The following COL5A1 variants were observed in gnomAD, a reference collection of about 807,000 sequenced individuals.
COL5A1 encodes the protein collagen type V alpha 1 chain, also known as collagen alpha-1(V) chain.
COL5A1 carries 16 observed loss-of-function variants against 263.7 expected under a neutral mutation model. The observed-to-expected ratio is 0.06, with a 90% CI of 0.04 to 0.09. The LOEUF (loss-of-function observed/expected upper bound fraction) is 0.09. Among genes scored for constraint, COL5A1 ranks in the 10% least tolerant of loss-of-function variants. The probability of loss-of-function intolerance (pLI) is 1.00; values close to 1 mark genes in which losing one functional copy is unlikely to be tolerated. For missense variants in COL5A1, 2,036 were observed against 2,540.5 expected (o/e 0.80, Z 4.27); for synonymous variants, 1,012 against 1,004.5 (o/e 1.01, Z -0.14).
intron 1 of COL5A1, among the ~76,000 whole-genome samples, chr9:134,664,407 A>G (rs1832297290): frequency 6.6e-6 from 1 of 151,834 alleles, no homozygotes; most frequent in Non-Finnish European, 1.5e-5. Flanking sequence ...GAAAAGCAAA[A>G]AAACAACTGG....
At chr9:134,772,942 C>T (rs548420995) in intron 26 of COL5A1, 108 bp downstream of exon 26, 53 of 1,169,062 alleles carry the variant, frequency 4.5e-5, no homozygotes, top group South Asian at 2.0e-4. Context: ...AGGAAGGAGC[C>T]GGGGACACTC....
In COL5A1 at chr9:134,761,942, C is replaced by T. The variant is rs78215347; in HGVS notation, c.1953C>T (p.Ser651=). 1.7e-4 allele frequency: 281 copies of T among 1,613,538 alleles called. 1 individual carries two copies. In the African/African-American group the frequency reaches 2.9e-3, roughly 17 times the overall value. Residue 651 remains serine (S), a synonymous_variant, in exon 19 of 66, where the codon TCC becomes TCT. Coordinates refer to ENST00000371817, the MANE Select transcript of COL5A1 (RefSeq NM_000093.5). The part of the protein sequence containing the change: ...EKGHRGDPGP[S]GPPGPPGDDG... ...CTTCCTAGGGTGACCCTGGTCCTTC[C>T]GGCCCACCAGGACCTCCGGGAGACG... is the stretch of plus-strand genomic sequence containing the variant.
At chr9:134,719,328 G>A (rs193097125) in intron 4 of COL5A1, among the ~76,000 whole-genome samples, 230 of 152,280 alleles carry the variant, frequency 1.5e-3, no homozygotes, top group African/African-American at 4.9e-3. Flanking sequence ...CACACACACC[G>A]CACATGTGAA....
intron 1 of COL5A1, 82 bp from the exon 2 acceptor site, chr9:134,690,830 T>C: frequency 6.5e-7 from 1 of 1,543,370 alleles, no homozygotes; most frequent in Non-Finnish European, 8.9e-7. Context: ...GTGGGGGTGC[T>C]TCCTGTCATC....
chr9:134,662,360 G>T (rs1832236087), intron 1 of COL5A1, among the ~76,000 whole-genome samples: 1 of 152,234 alleles, frequency 6.6e-6, no homozygotes, highest in Non-Finnish European at 1.5e-5. Context: ...TGACAACTCA[G>T]CTGGTTTCCA....
At position 134,820,481 on chromosome 9, in the gene COL5A1, C is replaced by G. The variant is rs4841935; in HGVS notation, c.4554+258C>G. Among the ~76,000 whole-genome samples the G allele has an allele frequency of 0.4, 61,394 of 152,080 alleles. 12,891 individuals carry two copies. The highest frequency in any genetic ancestry group is 0.53 in the African/African-American group (21,844 of 41,486). ...TTCCTCCTCATGACCGTGGTGTCCC[C>G]CAGAGCTGGAGGGACTCGGAAGTCA... is the stretch of plus-strand genomic sequence containing the variant. On this transcript the variant is annotated intron_variant, in intron 58 of 65. Coordinates refer to ENST00000371817, the MANE Select transcript of COL5A1 (RefSeq NM_000093.5).
At position 134,747,280 on chromosome 9, in the gene COL5A1, A is replaced by G. The variant is rs368009053; in HGVS notation, c.1495-3262A>G. On this transcript the variant is annotated intron_variant, in intron 11 of 65. Transcript: ENST00000371817. ...GGGAAGTTGCTTTCACAGCCTGGGG[A>G]TTGGATTTTCACCACCGTGGCTTAG... is the stretch of plus-strand genomic sequence containing the variant. Among the ~76,000 whole-genome samples the G allele has an allele frequency of 1.7e-3, 261 of 152,194 alleles. 1 individual carries two copies. The Middle Eastern group carries it at 0.027, about 16-fold the overall frequency.
chr9:134,662,019 G>T (rs939784840), intron 1 of COL5A1, among the ~76,000 whole-genome samples: 2 of 152,050 alleles, frequency 1.3e-5, no homozygotes, highest in African/African-American at 2.4e-5. Flanking sequence ...ACCTGACTCT[G>T]TGCCTGTCTG....
chr9:134,780,609 G>A (rs1394607092), intron 28 of COL5A1, among the ~76,000 whole-genome samples: 3 of 152,246 alleles, frequency 2.0e-5, no homozygotes, highest in African/African-American at 7.2e-5. Context: ...AGGCAGGGAG[G>A]GAGAGAGGCC....
chr9:134,772,973 C>A, intron 26 of COL5A1, 139 bp downstream of exon 26: 1 of 898,250 alleles, frequency 1.1e-6, no homozygotes, highest in East Asian at 2.6e-5. Context: ...CAGGTGTCTC[C>A]GCCAAGGGAC....
At position 134,820,151 on chromosome 9, in the gene COL5A1, G is replaced by C. The variant is rs2228560; in HGVS notation, c.4482G>C (p.Pro1494=). The part of the protein sequence containing the change: ...HPGLIGLIGP[P]GEQGEKGDRG... ...GCCTGATCGGGCTCATCGGTCCTCCGGGTGAACAGGGTGAGAAGGGCGACC... is the reference window on the plus strand; with the variant it reads ...GCCTGATCGGGCTCATCGGTCCTCCCGGTGAACAGGGTGAGAAGGGCGACC... Residue 1494 remains proline, a synonymous_variant, in exon 58 of 66, where the codon CCG becomes CCC. Coordinates refer to ENST00000371817, the MANE Select transcript of COL5A1 (RefSeq NM_000093.5). 590,830 of 1,613,406 alleles carry C rather than the reference G, an allele frequency of 0.37. 109,704 individuals are homozygous for C. The highest frequency in any genetic ancestry group is 0.5 in the African/African-American group (37,447 of 74,994).
Position 134,789,578 on chromosome 9 carries a change from GT to G in COL5A1, c.2700+376del, listed in dbSNP as rs1285107241. ...TTAAAAGGAAGGGAAAAAGGAGATTGTTTTTTCCCTTCAAAAATGTCCTGCT... is the reference window on the plus strand; with the variant it reads ...TTAAAAGGAAGGGAAAAAGGAGATTGTTTTTCCCTTCAAAAATGTCCTGCT... On this transcript the variant is annotated intron_variant, in intron 32 of 65. Transcript: ENST00000371817. This position sits in a 1 kb window ranked among gnomAD's most constrained non-coding sequence, Gnocchi z 4.8. Among the ~76,000 whole-genome samples the G allele has an allele frequency of 6.6e-6, 1 of 152,216 alleles. No individual in the cohort carries two copies. The highest frequency in any genetic ancestry group is 1.5e-5 in the Non-Finnish European group (1 of 68,036).
At position 134,823,421 on chromosome 9, in the gene COL5A1, A is replaced by T. The variant is rs778312075; in HGVS notation, c.4650A>T (p.Pro1550=). The T allele has an allele frequency of 8.7e-6, 14 of 1,614,098 alleles. No homozygotes were observed. The highest frequency in any genetic ancestry group is 1.1e-5 in the Non-Finnish European group (13 of 1,180,042). The change falls in exon 61 of 66, where the codon CCA becomes CCT. Residue 1550 remains proline, a synonymous_variant. Coordinates refer to ENST00000371817, the MANE Select transcript of COL5A1 (RefSeq NM_000093.5). ...GPKGAKGSSG[P]TGPKGEAGHP... Reference sequence around the variant, plus strand: ...ATTCTTTTCTTTCTCCCCAGGGTCCAACTGGCCCGAAGGGTGAGGCAGGCC... The same window carrying T: ...ATTCTTTTCTTTCTCCCCAGGGTCCTACTGGCCCGAAGGGTGAGGCAGGCC...
Position 134,642,291 on chromosome 9 carries a change from G to C in COL5A1, c.104G>C (p.Arg35Pro), listed in dbSNP as rs1170658868. ...CTGCTGTGGGCGCCGCCTCCGAGCC[G>C]CGCAGGTAAGGGCGCCCCGGGGCGC... ...LLLLWAPPPS[R>P]AAQPADLLKV... The change falls in exon 1 of 66, where the codon CGC becomes CCC. Residue 35 changes from arginine to proline, a missense_variant. Physicochemically the swap from Arg to Pro is moderately radical, Grantham distance 103. Around this residue, in one of 3 missense-constraint regions of COL5A1, gnomAD observed 600 missense variants for 634.5 expected, o/e 0.95. Coordinates refer to ENST00000371817, the MANE Select transcript of COL5A1 (RefSeq NM_000093.5). This position sits in a 1 kb window ranked among gnomAD's most constrained non-coding sequence, Gnocchi z 4.5. 9.1e-7 allele frequency: 1 copy of C among 1,094,778 alleles called. No individual in the cohort carries two copies. Among genetic ancestry groups the C allele is most frequent in the Non-Finnish European group, 1.1e-6 (1 of 876,534 alleles). The allele number at this position is 1,094,778 out of a possible 1,614,324, so 67.8% of individuals were successfully genotyped here.
rs1833614445 is a variant in COL5A1 at position 134,700,059 on chromosome 9, A to T, written c.428A>T (p.His143Leu). The change falls in exon 3 of 66, where the codon CAC becomes CTC. Residue 143 changes from histidine (H) to leucine (L), a missense_variant. Coordinates refer to ENST00000371817, the MANE Select transcript of COL5A1 (RefSeq NM_000093.5). This position sits in a 1 kb window ranked among gnomAD's most constrained non-coding sequence, Gnocchi z 4.0. ...TCTCCCGTCTTCCTCTACGAGGACC[A>T]CACGGGGAAGCCTGGCCCGGAAGAC... ...GRSPVFLYED[H>L]TGKPGPEDYP... is the part of the protein sequence containing the mutation. 1 of 1,613,018 alleles carries T rather than the reference A, an allele frequency of 6.2e-7. No homozygotes were observed. Among genetic ancestry groups the T allele is most frequent in the South Asian group, 1.1e-5 (1 of 91,090 alleles).
intron 65 of COL5A1, among the ~76,000 whole-genome samples, chr9:134,840,597 G>T (rs1439377619): frequency 2.0e-5 from 3 of 152,234 alleles, no homozygotes; most frequent in African/African-American, 7.2e-5. Flanking sequence ...GCTGGCTCTA[G>T]CTCAGGGTCT....
intron 18 of COL5A1, among the ~76,000 whole-genome samples, chr9:134,760,621 ACC>A (rs1298872577): frequency 1.2e-4 from 13 of 104,198 alleles, no homozygotes; most frequent in African/African-American, 4.2e-4. Flanking sequence ...ACACACACAC[ACC>A]CACACACCCC....
rs1331937559 is a variant in COL5A1, at chr9:134,678,993, A to G, written c.110-11919A>G. Reference sequence around the variant, plus strand: ...TGGCTCTGTGTTGGGGTCACGTGGTATCTGCCCTCTGTTATCCGAGATGCC... The same window carrying G: ...TGGCTCTGTGTTGGGGTCACGTGGTGTCTGCCCTCTGTTATCCGAGATGCC... On this transcript the variant is annotated intron_variant, in intron 1 of 65. Transcript: ENST00000371817. The surrounding 1 kb of genome is among the most constrained non-coding windows in gnomAD (Gnocchi z 5.5). 6.6e-6 allele frequency among the ~76,000 whole-genome samples: 1 copy of G among 152,160 alleles called. No individual in the cohort carries two copies. Among genetic ancestry groups the G allele is most frequent in the African/African-American group, 2.4e-5 (1 of 41,444 alleles).
chr9:134,785,935 C>A, intron 30 of COL5A1, 60 bp from the exon 31 acceptor site: 2 of 1,507,302 alleles, frequency 1.3e-6, no homozygotes, highest in East Asian at 2.3e-5. Context: ...TCTCTCTGCT[C>A]CGGGGAAACG....
Sources: allele counts gnomAD v4.1 joint callset (sites outside exome capture counted in the v4.1 genomes callset), GRCh38; gene constraint gnomAD v4.1.1; regional missense constraint gnomAD v4.1.1; non-coding constraint Gnocchi (gnomAD v3.1); transcripts MANE v1.5; gene names NCBI Gene and HGNC (gene_info 2026-07-23, HGNC 2026-07-21).